USP18: variants seen among roughly 807,000 people sequenced by gnomAD.
The protein encoded by USP18 is ubiquitin specific peptidase 18, also known as ubl carboxyl-terminal hydrolase 18.
In USP18, 11 loss-of-function variants were observed where a neutral mutation model predicts 48.7. That is an observed-to-expected ratio of 0.23 (90% CI 0.14 to 0.37). USP18 has a LOEUF of 0.37. USP18 is among the 10% of genes least tolerant of loss of function. The pLI is 1.00. For synonymous variants in USP18, 114 were observed against 163.2 expected, an observed-to-expected ratio of 0.70 and a Z score of 2.30; for missense variants, 285 against 436.4, an observed-to-expected ratio of 0.65 and a Z score of 3.09.
chr22:18,155,605 G>T (rs1035659198), intron 1 of USP18, among the ~76,000 whole-genome samples: 11 of 152,112 alleles, frequency 7.2e-5, no homozygotes, highest in Admixed American at 5.2e-4. Context: ...GGCTCGGCGG[G>T]CCCGCACTCG....
At chr22:18,168,833 G>C (rs1180729997) in intron 6 of USP18, among the ~76,000 whole-genome samples, 1 of 152,078 alleles carries the variant, frequency 6.6e-6, no homozygotes, top group Non-Finnish European at 1.5e-5. Context: ...ATCTATCTCT[G>C]GCTTCTGGAA....
At chr22:18,157,859 T>A (rs748592954) in intron 2 of USP18, 39 bp downstream of exon 2, 1 of 1,611,494 alleles carries the variant, frequency 6.2e-7, no homozygotes. Flanking sequence ...CTTGACTGCA[T>A]GTAAATGTTC....
intron 4 of USP18, among the ~76,000 whole-genome samples, chr22:18,166,046 T>G (rs1012758389): frequency 6.6e-5 from 10 of 152,072 alleles, no homozygotes; most frequent in African/African-American, 2.2e-4. Context: ...TGTATCACAT[T>G]TTTTTTTGTA....
chr22:18,152,684 C>T (rs1255827444), intron 1 of USP18, among the ~76,000 whole-genome samples: 1 of 152,006 alleles, frequency 6.6e-6, no homozygotes, highest in Admixed American at 6.6e-5. Context: ...CAGCTGCGGT[C>T]TCTCTGCTCG....
chr22:18,173,913 C>G, intron 10 of USP18, 71 bp downstream of exon 10: 1 of 1,493,482 alleles, frequency 6.7e-7, no homozygotes, highest in Non-Finnish European at 9.1e-7. Flanking sequence ...ATGAAACGCC[C>G]ATGGATTCCC....
At chr22:18,166,179 A>G (rs575225119) in intron 4 of USP18, among the ~76,000 whole-genome samples, 3 of 152,266 alleles carry the variant, frequency 2.0e-5, no homozygotes, top group Admixed American at 1.3e-4. Context: ...CTCCAGGTTT[A>G]TGGATTCTTT....
chr22:18,173,831 T>C lies in USP18; in HGVS notation c.1062T>C (p.Pro354=). Residue 354 remains proline, a synonymous_variant, in exon 10 of 11, where the codon CCT becomes CCC. Transcript: ENST00000215794. ...ACATCCAGTGTACCTACGGAAATCC[T>C]AACTACCACTGGTAAGAAACAGATT... is the stretch of plus-strand genomic sequence containing the variant. ...WEDIQCTYGN[P]NYHWQETAYL... 1.2e-6 allele frequency: 2 copies of C among 1,602,952 alleles called. No homozygotes were observed. The highest frequency in any genetic ancestry group is 1.7e-6 in the Non-Finnish European group (2 of 1,171,392).
chr22:18,153,258 G>T (rs10470274), intron 1 of USP18, among the ~76,000 whole-genome samples: 5 of 152,016 alleles, frequency 3.3e-5, no homozygotes, highest in Non-Finnish European at 2.9e-5. Context: ...GTGAAACCCC[G>T]TCTCTACTAA....
chr22:18,164,329 T>TG (rs1213047728), intron 4 of USP18, among the ~76,000 whole-genome samples: 1 of 151,758 alleles, frequency 6.6e-6, no homozygotes, highest in African/African-American at 2.4e-5. Flanking sequence ...CACGCTGCAC[T>TG]GGGCCTGGGG....
At chr22:18,173,725 T>G (rs1929703149) in intron 9 of USP18, 68 bp from the exon 10 acceptor site, 7 of 1,604,564 alleles carry the variant, frequency 4.4e-6, no homozygotes, top group Non-Finnish European at 6.0e-6. Context: ...GGGCACATTA[T>G]AGCATCCTGT....
intron 8 of USP18, among the ~76,000 whole-genome samples, chr22:18,172,803 TG>T (rs935474461): frequency 2.0e-5 from 3 of 147,522 alleles, no homozygotes; most frequent in African/African-American, 7.6e-5. Context: ...CTGGGTACGG[TG>T]GCTCAGGTTA....
intron 7 of USP18, among the ~76,000 whole-genome samples, chr22:18,170,269 C>T (rs1213897632): frequency 1.3e-5 from 2 of 151,846 alleles, no homozygotes; most frequent in Non-Finnish European, 2.9e-5. Flanking sequence ...TCTGGGGTTG[C>T]CCCCCGTGGA....
At chr22:18,154,710 G>C (rs1469944828) in intron 1 of USP18, among the ~76,000 whole-genome samples, 1 of 152,044 alleles carries the variant, frequency 6.6e-6, no homozygotes. Context: ...CAAACTGCTG[G>C]GATTACAGGC....
intron 3 of USP18, among the ~76,000 whole-genome samples, chr22:18,161,469 C>T (rs931286625): frequency 7.3e-5 from 3 of 40,952 alleles, no homozygotes; most frequent in African/African-American, 2.1e-4. Flanking sequence ...GTGCATCTGC[C>T]GTCTGCTCTA....
intron 2 of USP18, among the ~76,000 whole-genome samples, chr22:18,159,221 A>G (rs1227983626): frequency 6.6e-6 from 1 of 150,924 alleles, no homozygotes; most frequent in African/African-American, 2.4e-5. Flanking sequence ...ACACCCGGCT[A>G]ATTTTTGTAT....
chr22:18,171,314 C>A (rs1351816845), intron 8 of USP18, among the ~76,000 whole-genome samples: 1 of 92,508 alleles, frequency 1.1e-5, no homozygotes, highest in Non-Finnish European at 2.1e-5. Flanking sequence ...GAGATAATAA[C>A]TTATCAAGAG....
intron 8 of USP18, among the ~76,000 whole-genome samples, chr22:18,172,878 G>T (rs1390763123): frequency 1.3e-5 from 2 of 149,594 alleles, no homozygotes; most frequent in Non-Finnish European, 1.5e-5. Context: ...CCTCCCAGGG[G>T]AAAGTTCTAA....
chr22:18,167,217 G>T lies in USP18; in HGVS notation c.401-38G>T, dbSNP rs1382751278. On this transcript the variant is annotated intron_variant, in intron 4 of 10. Coordinates refer to ENST00000215794, the MANE Select transcript of USP18 (RefSeq NM_017414.4). ...CCAGGGCATGAGAAGCGACTCTGAA[G>T]ACCTCACTAATTGGCTGTTCCTTTT... 3.7e-6 allele frequency: 6 copies of T among 1,611,176 alleles called. No homozygotes were observed. In the South Asian group the frequency reaches 6.6e-5, roughly 18 times the overall value.
At chr22:18,173,755 C>T in intron 9 of USP18, 38 bp from the exon 10 acceptor site, 1 of 1,605,264 alleles carries the variant, frequency 6.2e-7, no homozygotes, top group Non-Finnish European at 8.5e-7. Context: ...GTGCTTGTGT[C>T]AGCTGGCTGC....
Sources: allele counts gnomAD v4.1 joint callset (sites outside exome capture counted in the v4.1 genomes callset), GRCh38; gene constraint gnomAD v4.1.1; transcripts MANE v1.5; gene names NCBI Gene and HGNC (gene_info 2026-07-23, HGNC 2026-07-21).